IFNGR2: variants seen among roughly 807,000 people sequenced by gnomAD.
The protein encoded by IFNGR2 is IFN-gamma receptor 2.
Under a neutral mutation model 41.1 loss-of-function variants are expected in IFNGR2, and 15 were observed. The ratio of observed to expected loss-of-function variants is 0.37; its 90% CI spans 0.24 to 0.56. IFNGR2 has a LOEUF of 0.56. IFNGR2 is among the 20% of genes least tolerant of loss of function. The pLI, the probability that IFNGR2 is intolerant of heterozygous loss-of-function variation, is 0.81. For missense variants in IFNGR2, 362 were observed against 415.7 expected (o/e 0.87, Z 1.12); for synonymous variants, 161 against 171.6 (o/e 0.94, Z 0.48).
chr21:33,432,466 C>G, intron 5 of IFNGR2, 130 bp downstream of exon 5: 2 of 962,438 alleles, frequency 2.1e-6, no homozygotes, highest in South Asian at 1.3e-5. Context: ...TGCTGAACTG[C>G]AGGAATAATG....
intron 4 of IFNGR2, among the ~76,000 whole-genome samples, chr21:33,431,803 C>T (rs1174094596): frequency 6.6e-6 from 1 of 152,188 alleles, no homozygotes; most frequent in East Asian, 1.9e-4. Flanking sequence ...AACTCCTGAC[C>T]TCAGGTGATC....
upstream of IFNGR2, chr21:33,403,084 G>C (rs1228066547): frequency 1.3e-5 from 2 of 150,058 alleles, no homozygotes; most frequent in East Asian, 3.9e-4. Context: ...AAGCACCCGA[G>C]AGGAGAGTTG....
At position 33,427,378 on chromosome 21, in the gene IFNGR2, A is replaced by G. The variant is rs17881178; in HGVS notation, c.561+346A>G. On this transcript the variant is annotated intron_variant, in intron 4 of 6. Coordinates refer to ENST00000290219, the MANE Select transcript of IFNGR2 (RefSeq NM_005534.4). ...TTAGTGGGCCTGGTTCTCCATGAGG[A>G]ATCCACAACTACAGCCTGCAAGGCT... 4.7e-3 allele frequency among the ~76,000 whole-genome samples: 720 copies of G among 152,318 alleles called. 4 individuals are homozygous for G. The highest frequency in any genetic ancestry group is 7.5e-3 in the Non-Finnish European group (510 of 68,028).
rs1445046014 is a variant in IFNGR2, at chr21:33,403,605, C to A, written c.62C>A (p.Ala21Glu). The change falls in exon 1 of 7, where the codon GCG becomes GAG. Residue 21 changes from alanine (A) to glutamate (E), a missense_variant. Transcript: ENST00000290219. The part of the protein sequence containing the change: ...LLLGVFAAAA[A>E]APPDPLSQLP... ...CTCGGAGTCTTCGCCGCCGCCGCCG[C>A]GGCCCCGCCAGGTGAGCCGGGCCTG... 26 of 1,364,670 alleles carry A rather than the reference C, an allele frequency of 1.9e-5. No homozygotes were observed. The highest frequency in any genetic ancestry group is 2.4e-5 in the Non-Finnish European group (25 of 1,056,666). 84.5% of individuals were successfully genotyped at this position (1,364,670 alleles called of 1,614,324 possible). A position where few individuals can be genotyped will look rare whatever the true frequency, so the allele number is the denominator to read the frequency against.
intron 6 of IFNGR2, among the ~76,000 whole-genome samples, chr21:33,436,460 C>T (rs1179988282): frequency 1.3e-5 from 2 of 152,158 alleles, no homozygotes; most frequent in Non-Finnish European, 2.9e-5. Flanking sequence ...TAGTGGCTCA[C>T]GCCTATAATC....
chr21:33,418,293 G>A (rs2123344159), intron 2 of IFNGR2, among the ~76,000 whole-genome samples: 1 of 152,262 alleles, frequency 6.6e-6, no homozygotes, highest in African/African-American at 2.4e-5. Flanking sequence ...CTGACCTCAG[G>A]TGATCCGCCC....
At chr21:33,435,069 C>CA (rs1346275315) in intron 6 of IFNGR2, among the ~76,000 whole-genome samples, 1 of 152,212 alleles carries the variant, frequency 6.6e-6, no homozygotes, top group African/African-American at 2.4e-5. Flanking sequence ...TTCAGTCAGT[C>CA]AGCTACAAGC....
intron 3 of IFNGR2, among the ~76,000 whole-genome samples, chr21:33,422,209 T>G (rs999609565): frequency 6.6e-6 from 1 of 152,236 alleles, no homozygotes; most frequent in East Asian, 1.9e-4. Context: ...ATTTGTTGAA[T>G]GACTGAGTGA....
rs2083902919 is a variant in IFNGR2 at position 33,432,859 on chromosome 21, A to G, written c.867A>G (p.Leu289=). 6.2e-7 allele frequency: 1 copy of G among 1,612,582 alleles called. No homozygotes were observed. Among genetic ancestry groups the G allele is most frequent in the South Asian group, 1.1e-5 (1 of 91,032 alleles). The change falls in exon 6 of 7, where the codon TTA becomes TTG. Residue 289 remains leucine (L), a synonymous_variant. Coordinates refer to ENST00000290219, the MANE Select transcript of IFNGR2 (RefSeq NM_005534.4). ...YWFHTPPSIP[L]QIEEYLKDPT... Reference sequence around the variant, plus strand: ...TTCACACTCCACCAAGCATCCCATTACAGATAGAAGAGGTACGTGTGCACA... The same window carrying G: ...TTCACACTCCACCAAGCATCCCATTGCAGATAGAAGAGGTACGTGTGCACA...
chr21:33,421,777 C>A, intron 3 of IFNGR2, 92 bp downstream of exon 3: 1 of 975,646 alleles, frequency 1.0e-6, no homozygotes, highest in Non-Finnish European at 1.7e-6. Context: ...CTGCCTGTCA[C>A]CCTAAATGAC....
At chr21:33,428,121 A>G (rs2083855670) in intron 4 of IFNGR2, among the ~76,000 whole-genome samples, 1 of 152,058 alleles carries the variant, frequency 6.6e-6, no homozygotes, top group Non-Finnish European at 1.5e-5. Context: ...CTGGCAGAGC[A>G]GAGCAGAGCA....
At chr21:33,421,332 A>AAG in intron 2 of IFNGR2, 148 bp from the exon 3 acceptor site, 2 of 73,276 alleles carry the variant, frequency 2.7e-5, no homozygotes, top group Non-Finnish European at 2.4e-5. Context: ...ACTCCATCTC[A>AAG]AAAAAAAAAA....
At position 33,435,927 on chromosome 21, in the gene IFNGR2, C is replaced by G. The variant is rs1486389673; in HGVS notation, c.880-901C>G. On this transcript the variant is annotated intron_variant, in intron 6 of 6. Transcript: ENST00000290219. ...AAAAAATTAGCCAGCCGTGGTGGTG[C>G]ACGCCTGCAATCCTAGCTACTTGGT... Among the ~76,000 whole-genome samples, 56 of 143,714 alleles carry G rather than the reference C, an allele frequency of 3.9e-4. 1 individual carries two copies. In the Admixed American group the frequency reaches 4.0e-3, roughly 10 times the overall value. 94.3% of individuals were successfully genotyped at this position (143,714 alleles called of 152,430 possible).
chr21:33,437,113 T>TG lies in IFNGR2; in HGVS notation c.*156dup. ...CAGACATGAGAGACAGCAGGTCTCA[T>TG]GGGGGTGACAAGCTTTTTTTTTTTT... On this transcript the variant is annotated 3_prime_UTR_variant, in exon 7 of 7. Transcript: ENST00000290219. The TG allele has an allele frequency of 1.5e-6, 1 of 659,162 alleles. No individual in the cohort carries two copies. Among genetic ancestry groups the TG allele is most frequent in the Non-Finnish European group, 2.6e-6 (1 of 383,498 alleles). The allele number at this position is 659,162 out of a possible 1,614,324, so 40.8% of individuals were successfully genotyped here. A position where few individuals can be genotyped will look rare whatever the true frequency, so the allele number is the denominator to read the frequency against.
intron 1 of IFNGR2, chr21:33,411,412 A>G (rs2083714643): frequency 2.1e-6 from 1 of 470,502 alleles, no homozygotes; most frequent in Non-Finnish European, 4.4e-6. Flanking sequence ...GGAAGTCGGG[A>G]AGAAGAGACT....
intron 3 of IFNGR2, among the ~76,000 whole-genome samples, chr21:33,423,036 C>CTTT (rs1158807047): frequency 0.012 from 1,442 of 116,980 alleles, 112 homozygotes; most frequent in Non-Finnish European, 0.021. Context: ...CTTCCCTCTA[C>CTTT]TTTTTTTTTT....
intron 4 of IFNGR2, among the ~76,000 whole-genome samples, chr21:33,430,127 A>G (rs2083873012): frequency 6.6e-6 from 1 of 152,020 alleles, no homozygotes; most frequent in Non-Finnish European, 1.5e-5. Flanking sequence ...CAACGGAGCA[A>G]GACTCCGTCT....
intron 1 of IFNGR2, 21 bp from the exon 2 acceptor site, chr21:33,414,867 T>C (rs1388144894): frequency 3.1e-6 from 5 of 1,605,368 alleles, no homozygotes; most frequent in Non-Finnish European, 4.3e-6. Flanking sequence ...CTCCCTCTTC[T>C]TTTTCTCTGT....
chr21:33,432,377 G>A (rs1397995582), intron 5 of IFNGR2, 41 bp downstream of exon 5: 3 of 1,570,720 alleles, frequency 1.9e-6, no homozygotes, highest in Non-Finnish European at 2.6e-6. Context: ...ACTGGGAAAA[G>A]AATACTCCTC....
Sources: gnomAD v4.1 joint callset for allele counts (sites outside exome capture counted in the v4.1 genomes callset) on GRCh38, gnomAD v4.1.1 for gene constraint, MANE v1.5 for transcripts, NCBI Gene and HGNC (gene_info 2026-07-23, HGNC 2026-07-21) for gene names.